The following ARSK variants were observed in gnomAD, a reference collection of about 807,000 sequenced individuals.
ARSK encodes the protein arylsulfatase K.
In ARSK, 37 loss-of-function variants were observed where a neutral mutation model predicts 53.2. That is an observed-to-expected ratio of 0.70 (90% CI 0.54 to 0.92). ARSK has a LOEUF of 0.92. Ranked by LOEUF, ARSK falls within the 40% of genes least tolerant of loss-of-function variation. The pLI is 0.00. For missense variants in ARSK, 613 were observed against 643.0 expected (o/e 0.95, Z 0.51); for synonymous variants, 208 against 223.2 (o/e 0.93, Z 0.61).
chr5:95,562,951 G>A (rs1005423584), intron 1 of ARSK, among the ~76,000 whole-genome samples: 5 of 152,180 alleles, frequency 3.3e-5, no homozygotes, highest in Non-Finnish European at 7.3e-5. Flanking sequence ...GCTATCCATT[G>A]TAAACCACAT....
chr5:95,589,019 G>A (rs571609683), intron 5 of ARSK, among the ~76,000 whole-genome samples: 3 of 152,104 alleles, frequency 2.0e-5, no homozygotes, highest in African/African-American at 7.2e-5. Flanking sequence ...CCACCTCAAG[G>A]TCTTATATTT....
chr5:95,566,873 A>G (rs970394928), intron 2 of ARSK, among the ~76,000 whole-genome samples: 2 of 152,202 alleles, frequency 1.3e-5, no homozygotes, highest in African/African-American at 2.4e-5. Context: ...GATTTGAGTT[A>G]TAACTTCTTT....
chr5:95,572,640 T>A (rs1049890998), intron 3 of ARSK, among the ~76,000 whole-genome samples: 103 of 152,046 alleles, frequency 6.8e-4, no homozygotes, highest in African/African-American at 2.3e-3. Context: ...TAGCCGGGCG[T>A]GGTGGCGGGC....
intron 3 of ARSK, among the ~76,000 whole-genome samples, chr5:95,581,262 A>T (rs918010148): frequency 6.6e-6 from 1 of 152,084 alleles, no homozygotes; most frequent in East Asian, 1.9e-4. Flanking sequence ...GAACACAGTT[A>T]AAAAAAATAA....
chr5:95,596,765 A>G (rs1223742141), intron 6 of ARSK, among the ~76,000 whole-genome samples: 1 of 152,160 alleles, frequency 6.6e-6, no homozygotes, highest in Non-Finnish European at 1.5e-5. Flanking sequence ...CTATCTTACT[A>G]TCAAGAGGCT....
At chr5:95,568,479 C>T (rs1461815787) in intron 3 of ARSK, among the ~76,000 whole-genome samples, 2 of 152,010 alleles carry the variant, frequency 1.3e-5, no homozygotes, top group Admixed American at 6.6e-5. Context: ...GGCAGCCAAG[C>T]ATAGTGGTTA....
At chr5:95,556,467 A>G in intron 1 of ARSK, 1 of 511,926 alleles carries the variant, frequency 2.0e-6, no homozygotes, top group Non-Finnish European at 3.5e-6. Context: ...GCTTTCCAAT[A>G]GGAGTGAGGA....
intron 5 of ARSK, among the ~76,000 whole-genome samples, chr5:95,588,140 G>A (rs1052735722): frequency 4.6e-5 from 7 of 152,168 alleles, no homozygotes; most frequent in African/African-American, 1.4e-4. Context: ...GCTGTAGGGA[G>A]TGTGGGAATA....
chr5:95,579,360 TCA>T (rs1242651113), intron 3 of ARSK, among the ~76,000 whole-genome samples: 7 of 152,132 alleles, frequency 4.6e-5, no homozygotes, highest in Non-Finnish European at 8.8e-5. Context: ...TTGGGAGGCC[TCA>T]CAGTCATGGT....
At chr5:95,575,551 A>T (rs148599352) in intron 3 of ARSK, among the ~76,000 whole-genome samples, 2 of 152,168 alleles carry the variant, frequency 1.3e-5, no homozygotes, top group Admixed American at 1.3e-4. Flanking sequence ...AATTGCTTTC[A>T]TCAATGTTTT....
chr5:95,555,264 G>T lies in ARSK; in HGVS notation c.-15G>T. 6.3e-7 allele frequency: 1 copy of T among 1,587,930 alleles called. No homozygotes were observed. The highest frequency in any genetic ancestry group is 1.1e-5 in the South Asian group (1 of 90,622). On this transcript the variant is annotated 5_prime_UTR_variant, in exon 1 of 8. Coordinates refer to ENST00000380009, the MANE Select transcript of ARSK (RefSeq NM_198150.3). The surrounding 1 kb of genome is among the most constrained non-coding windows in gnomAD (Gnocchi z 4.0). ...CGGCTGGCCCGGCGGCAGGCTCTCA[G>T]AACCGCTACCGGCGATGCTACTGCT...
chr5:95,592,529 T>A (rs1023554728), intron 6 of ARSK, among the ~76,000 whole-genome samples: 2 of 152,090 alleles, frequency 1.3e-5, no homozygotes, highest in African/African-American at 4.8e-5. Context: ...TACACATACT[T>A]CTTTCCAGTT....
intron 7 of ARSK, 27 bp downstream of exon 7, chr5:95,601,098 G>A (rs753602896): frequency 6.4e-7 from 1 of 1,571,312 alleles, no homozygotes; most frequent in Admixed American, 1.7e-5. Flanking sequence ...ATTTTTAAGT[G>A]TAATATTATG....
At chr5:95,562,288 G>T (rs769314944) in intron 1 of ARSK, among the ~76,000 whole-genome samples, 5 of 151,978 alleles carry the variant, frequency 3.3e-5, no homozygotes, top group Non-Finnish European at 7.4e-5. Flanking sequence ...AAGGACAGAG[G>T]CATCTTCTGC....
chr5:95,591,312 C>G, intron 5 of ARSK, 89 bp from the exon 6 acceptor site: 2 of 1,110,918 alleles, frequency 1.8e-6, no homozygotes, highest in Non-Finnish European at 2.7e-6. Context: ...GTGACAAACT[C>G]TTATAGGGTA....
intron 3 of ARSK, among the ~76,000 whole-genome samples, chr5:95,582,488 A>G (rs534291575): frequency 1.3e-5 from 2 of 152,294 alleles, no homozygotes; most frequent in Admixed American, 6.5e-5. Context: ...TGAAGTATAC[A>G]TGGTAGGTAG....
intron 3 of ARSK, among the ~76,000 whole-genome samples, chr5:95,568,852 G>T (rs1474441125): frequency 6.6e-6 from 1 of 152,106 alleles, no homozygotes; most frequent in Non-Finnish European, 1.5e-5. Context: ...TGGAATTTTG[G>T]TATGTGCGAA....
intron 3 of ARSK, among the ~76,000 whole-genome samples, chr5:95,571,688 G>C (rs1748834108): frequency 6.6e-6 from 1 of 152,130 alleles, no homozygotes; most frequent in South Asian, 2.1e-4. Flanking sequence ...CTTGCTTAAA[G>C]CATGTTTTCA....
chr5:95,587,445 A>G (rs1024485117), intron 5 of ARSK, among the ~76,000 whole-genome samples: 3 of 152,230 alleles, frequency 2.0e-5, no homozygotes, highest in African/African-American at 7.2e-5. Context: ...GCATAATTGT[A>G]CTAGTGAAGC....
Sources: allele counts gnomAD v4.1 joint callset (sites outside exome capture counted in the v4.1 genomes callset), GRCh38; gene constraint gnomAD v4.1.1; non-coding constraint Gnocchi (gnomAD v3.1); transcripts MANE v1.5; gene names NCBI Gene and HGNC (gene_info 2026-07-23, HGNC 2026-07-21).